GNG7: variants seen among roughly 807,000 people sequenced by gnomAD.
GNG7 encodes the protein guanine nucleotide-binding protein G(I)/G(S)/G(O) subunit gamma-7.
A neutral mutation model predicts 4.0 loss-of-function variants in GNG7; 1 was observed. That is an observed-to-expected ratio of 0.25 (90% CI 0.09 to 1.18). The LOEUF is 1.18. Among genes scored for constraint, GNG7 ranks in the 50% most tolerant of loss-of-function variants. The probability of loss-of-function intolerance (pLI) is 0.50; values close to 1 mark genes in which losing one functional copy is unlikely to be tolerated. For missense variants in GNG7, 86 were observed against 91.9 expected, an observed-to-expected ratio of 0.94 and a Z score of 0.26; for synonymous variants, 34 against 36.9, an observed-to-expected ratio of 0.92 and a Z score of 0.29.
At chr19:2,647,826 G>A (rs759762510) in intron 1 of GNG7, among the ~76,000 whole-genome samples, 42 of 151,998 alleles carry the variant, frequency 2.8e-4, no homozygotes, top group Admixed American at 9.2e-4. Context: ...TCACGAGTTC[G>A]AGACCAGCCG....
chr19:2,568,048 G>C (rs35711202), intron 2 of GNG7, among the ~76,000 whole-genome samples: 116,330 of 151,648 alleles, frequency 0.77, 44,937 homozygotes, highest in Admixed American at 0.82. Context: ...CACACGTGCA[G>C]ATACACACAC....
chr19:2,613,149 G>A (rs1003497957), intron 2 of GNG7, among the ~76,000 whole-genome samples: 3 of 143,626 alleles, frequency 2.1e-5, no homozygotes, highest in African/African-American at 6.0e-5. Context: ...AAGAATTTCT[G>A]ATGCAAGTTT....
At chr19:2,539,117 T>C (rs1978857421) in intron 3 of GNG7, among the ~76,000 whole-genome samples, 1 of 152,182 alleles carries the variant, frequency 6.6e-6, no homozygotes, top group African/African-American at 2.4e-5. Context: ...AATTTAGGTA[T>C]TTAATACTTG....
chr19:2,530,634 C>T (rs893718591), intron 3 of GNG7, among the ~76,000 whole-genome samples: 4 of 151,402 alleles, frequency 2.6e-5, no homozygotes, highest in African/African-American at 7.3e-5. Flanking sequence ...GTACAACAAT[C>T]ACTTAAACCC....
chr19:2,667,885 A>G (rs1160449936), intron 1 of GNG7, among the ~76,000 whole-genome samples: 1 of 152,114 alleles, frequency 6.6e-6, no homozygotes, highest in African/African-American at 2.4e-5. Context: ...ACTGTACTCC[A>G]GCCTGGGAGA....
rs1174913500 is a variant in GNG7 at position 2,620,166 on chromosome 19, A to T, written c.-78+26058T>A. 2.8e-5 allele frequency among the ~76,000 whole-genome samples: 4 copies of T among 144,294 alleles called. No homozygotes were observed. In the East Asian group the frequency reaches 8.6e-4, roughly 31 times the overall value. The allele number at this position is 144,294 out of a possible 152,430, so 94.7% of individuals were successfully genotyped here. ...TTGCAGTGAGCCGAGATCGCGCCAT[A>T]GCACTCCAGCCTGGGCAACAAGAGC... is the stretch of plus-strand genomic sequence containing the variant. On this transcript the variant is annotated intron_variant, in intron 2 of 4. Transcript: ENST00000382159.
intron 3 of GNG7, among the ~76,000 whole-genome samples, chr19:2,550,888 G>T (rs1015891103): frequency 6.6e-6 from 1 of 152,200 alleles, no homozygotes; most frequent in Non-Finnish European, 1.5e-5. Flanking sequence ...GGGAGCTGAG[G>T]ATCAGGGAGG....
intron 2 of GNG7, among the ~76,000 whole-genome samples, chr19:2,555,734 G>A (rs988711071): frequency 6.6e-6 from 1 of 152,046 alleles, no homozygotes; most frequent in Admixed American, 6.6e-5. Flanking sequence ...AGGGCCAGGA[G>A]GTCAATAGGA....
chr19:2,599,713 G>T (rs998229143), intron 2 of GNG7, among the ~76,000 whole-genome samples: 5 of 152,204 alleles, frequency 3.3e-5, no homozygotes, highest in African/African-American at 1.2e-4. Flanking sequence ...GAGGCAGGCG[G>T]ATCACCTGCG....
At chr19:2,543,849 G>A (rs932102991) in intron 3 of GNG7, among the ~76,000 whole-genome samples, 2 of 152,116 alleles carry the variant, frequency 1.3e-5, no homozygotes, top group African/African-American at 2.4e-5. Flanking sequence ...GGCCTTGAAG[G>A]CGGGAGGGGC....
At chr19:2,562,852 A>G (rs1979785327) in intron 2 of GNG7, among the ~76,000 whole-genome samples, 1 of 152,190 alleles carries the variant, frequency 6.6e-6, no homozygotes, top group African/African-American at 2.4e-5. Context: ...GAGTCCCAGG[A>G]GCTGCAGTCC....
chr19:2,681,735 G>A lies in GNG7; in HGVS notation c.-135+20911C>T, dbSNP rs7252009. 3.6e-3 allele frequency among the ~76,000 whole-genome samples: 543 copies of A among 152,238 alleles called. 2 individuals carry two copies. Among genetic ancestry groups the A allele is most frequent in the African/African-American group, 0.012 (503 of 41,534 alleles). ...ACCACATGATGTTCCCAGCAGCGAC[G>A]CATGAGGATCCCCGTGTCTCTACCT... On this transcript the variant is annotated intron_variant, in intron 1 of 4. Coordinates refer to ENST00000382159, the MANE Select transcript of GNG7 (RefSeq NM_052847.3).
intron 2 of GNG7, among the ~76,000 whole-genome samples, chr19:2,637,724 C>A (rs1010951232): frequency 6.6e-6 from 1 of 152,206 alleles, no homozygotes; most frequent in African/African-American, 2.4e-5. Context: ...GGGGTGGGGC[C>A]GTCCTGGGCA....
intron 2 of GNG7, among the ~76,000 whole-genome samples, chr19:2,591,817 A>G (rs1980858575): frequency 1.3e-5 from 2 of 152,230 alleles, no homozygotes; most frequent in Non-Finnish European, 2.9e-5. Flanking sequence ...ACTAACAATC[A>G]GAAAAGAAAG....
chr19:2,646,190 A>C (rs1402076170), intron 2 of GNG7, 34 bp downstream of exon 2: 2 of 152,210 alleles, frequency 1.3e-5, no homozygotes, highest in Non-Finnish European at 2.9e-5. Context: ...ACTGAACCTC[A>C]AATCATAACA....
At chr19:2,652,084 A>G (rs574830566) in intron 1 of GNG7, among the ~76,000 whole-genome samples, 1 of 152,084 alleles carries the variant, frequency 6.6e-6, no homozygotes, top group East Asian at 2.0e-4. Flanking sequence ...CTGAGATGGG[A>G]GAATCGCTTG....
intron 1 of GNG7, among the ~76,000 whole-genome samples, chr19:2,666,464 C>T (rs969261334): frequency 1.3e-5 from 2 of 152,162 alleles, no homozygotes; most frequent in Admixed American, 6.5e-5. Flanking sequence ...TGTGAGCCAC[C>T]ATGCCTGCTT....
chr19:2,630,286 A>G (rs1982124946), intron 2 of GNG7, among the ~76,000 whole-genome samples: 1 of 152,072 alleles, frequency 6.6e-6, no homozygotes, highest in African/African-American at 2.4e-5. Flanking sequence ...TATCTTGTAG[A>G]ACCCCCTCCC....
At chr19:2,600,220 T>G (rs1981157592) in intron 2 of GNG7, among the ~76,000 whole-genome samples, 1 of 151,386 alleles carries the variant, frequency 6.6e-6, no homozygotes, top group Non-Finnish European at 1.5e-5. Flanking sequence ...ATATATTTTA[T>G]ATTAGGAGGA....
Sources: gnomAD v4.1 joint callset for allele counts (sites outside exome capture counted in the v4.1 genomes callset) on GRCh38, gnomAD v4.1.1 for gene constraint, MANE v1.5 for transcripts, NCBI Gene and HGNC (gene_info 2026-07-23, HGNC 2026-07-21) for gene names.